Variants in MEF2D observed in about 807,000 individuals in gnomAD.
MEF2D encodes myocyte-specific enhancer factor 2D.
MEF2D carries 10 observed loss-of-function variants against 59.3 expected under a neutral mutation model. The observed-to-expected ratio is 0.17, with a 90% CI of 0.10 to 0.29. The LOEUF (loss-of-function observed/expected upper bound fraction) is 0.29, where lower values mean the gene tolerates loss of function less well. Ranked by LOEUF, MEF2D falls within the 10% of genes least tolerant of loss-of-function variation. The probability of loss-of-function intolerance (pLI) is 1.00; values close to 1 mark genes in which losing one functional copy is unlikely to be tolerated. For synonymous variants in MEF2D, 305 were observed against 295.0 expected (o/e 1.03, Z -0.35); for missense variants, 508 against 699.4 (o/e 0.73, Z 3.09).
intron 1 of MEF2D, among the ~76,000 whole-genome samples, chr1:156,491,803 T>C (rs912977385): frequency 6.6e-6 from 1 of 152,202 alleles, no homozygotes; most frequent in African/African-American, 2.4e-5. Flanking sequence ...AGGATTTGCA[T>C]AGCGTCTCTG....
chr1:156,489,664 G>A (rs1051505559), intron 1 of MEF2D, among the ~76,000 whole-genome samples: 1 of 152,154 alleles, frequency 6.6e-6, no homozygotes. Context: ...TGCCCTCTGA[G>A]AACTTGCAGT....
Position 156,477,162 on chromosome 1 carries a change from G to T in MEF2D, c.705C>A (p.Leu235=). ...TTAGGCTGTTGCCATTGGCCACAGG[G>T]AGGAGGCCAGGGGAAGCCCGAGCAC... ...YVSARASPGL[L]PVANGNSLNK... The change falls in exon 7 of 12, where the codon CTC becomes CTA. Residue 235 remains leucine, a synonymous_variant. Coordinates refer to ENST00000348159, the MANE Select transcript of MEF2D (RefSeq NM_005920.4). 6.2e-7 allele frequency: 1 copy of T among 1,613,298 alleles called. No individual in the cohort carries two copies. The highest frequency in any genetic ancestry group is 8.5e-7 in the Non-Finnish European group (1 of 1,179,472).
intron 3 of MEF2D, among the ~76,000 whole-genome samples, chr1:156,481,287 T>C (rs1671999573): frequency 6.6e-6 from 1 of 152,106 alleles, no homozygotes; most frequent in South Asian, 2.1e-4. Flanking sequence ...GGATGGGGCC[T>C]CCAGGGGATG....
intron 9 of MEF2D, among the ~76,000 whole-genome samples, chr1:156,469,297 G>A (rs1671074329): frequency 6.6e-6 from 1 of 152,048 alleles, no homozygotes; most frequent in African/African-American, 2.4e-5. Context: ...TCACTCTATT[G>A]CCCAGGCTGG....
intron 1 of MEF2D, among the ~76,000 whole-genome samples, chr1:156,489,534 G>T (rs1672613618): frequency 2.6e-5 from 4 of 152,118 alleles, no homozygotes; most frequent in Admixed American, 2.6e-4. Flanking sequence ...AGAGGCAGGA[G>T]ACCACAGAGA....
At chr1:156,482,113 A>G (rs905005525) in intron 3 of MEF2D, among the ~76,000 whole-genome samples, 7 of 152,242 alleles carry the variant, frequency 4.6e-5, no homozygotes, top group African/African-American at 1.4e-4. Context: ...AAAGAGAGAC[A>G]AAGAGAAAGA....
At chr1:156,483,913 T>C (rs538941129) in intron 1 of MEF2D, among the ~76,000 whole-genome samples, 3 of 152,190 alleles carry the variant, frequency 2.0e-5, no homozygotes, top group Admixed American at 1.3e-4. Flanking sequence ...CTGGTGCCCC[T>C]GGCTCAAGAA....
At chr1:156,486,962 C>G (rs1458057793) in intron 1 of MEF2D, among the ~76,000 whole-genome samples, 1 of 152,218 alleles carries the variant, frequency 6.6e-6, no homozygotes, top group Non-Finnish European at 1.5e-5. Context: ...CTTGCTCTCC[C>G]AACTGCCCCT....
Position 156,467,364 on chromosome 1 carries a change from C to T in MEF2D, c.*281G>A, listed in dbSNP as rs1392869788. ...TGTGTACAACGTGCAAAGTGTCCCCCCTTCCCGCGAAAAAGAGAGCCCCCC... is the reference window on the plus strand; with the variant it reads ...TGTGTACAACGTGCAAAGTGTCCCCTCTTCCCGCGAAAAAGAGAGCCCCCC... On this transcript the variant is annotated 3_prime_UTR_variant, in exon 12 of 12. Coordinates refer to ENST00000348159, the MANE Select transcript of MEF2D (RefSeq NM_005920.4). 3 of 166,566 alleles carry T rather than the reference C, an allele frequency of 1.8e-5. No individual in the cohort carries two copies. The highest frequency in any genetic ancestry group is 3.8e-5 in the Non-Finnish European group (3 of 78,454). 10.3% of individuals were successfully genotyped at this position (166,566 alleles called of 1,614,324 possible). A position where few individuals can be genotyped will look rare whatever the true frequency, so the allele number is the denominator to read the frequency against.
chr1:156,479,802 C>T lies in MEF2D; in HGVS notation c.397-6G>A, dbSNP rs184567170. On this transcript the variant is annotated splice_polypyrimidine_tract_variant and splice_region_variant and intron_variant, in intron 4 of 11. Transcript: ENST00000348159. ...TTGGGGGCCGGGACAGTTGACTAGA[C>T]AGAAAGATGGAGGGGCAGGATCAGG... The T allele has an allele frequency of 1.4e-3, 2,188 of 1,551,352 alleles. 2 individuals carry two copies. Among genetic ancestry groups the T allele is most frequent in the Non-Finnish European group, 1.7e-3 (1,992 of 1,146,864 alleles).
intron 1 of MEF2D, among the ~76,000 whole-genome samples, chr1:156,497,053 C>A (rs1490560925): frequency 6.6e-6 from 1 of 152,200 alleles, no homozygotes; most frequent in Non-Finnish European, 1.5e-5. Context: ...AAATTAGAGC[C>A]ATCTCTCTCC....
intron 9 of MEF2D, among the ~76,000 whole-genome samples, chr1:156,474,025 G>A (rs550594764): frequency 3.9e-5 from 6 of 152,040 alleles, no homozygotes; most frequent in African/African-American, 7.2e-5. Flanking sequence ...AACTGACCAC[G>A]TCCCCCTCAC....
intron 9 of MEF2D, among the ~76,000 whole-genome samples, chr1:156,472,702 C>A (rs1671309993): frequency 6.6e-6 from 1 of 151,502 alleles, no homozygotes; most frequent in African/African-American, 2.4e-5. Flanking sequence ...GCGTGTGCCA[C>A]CACGCCCGGC....
chr1:156,477,344 T>A (rs1671683068), intron 6 of MEF2D, 142 bp from the exon 7 acceptor site: 1 of 676,440 alleles, frequency 1.5e-6, no homozygotes, highest in Non-Finnish European at 2.5e-6. Context: ...AGCTATCTGA[T>A]ATTCCCTGAA....
At chr1:156,489,512 T>G (rs1338694236) in intron 1 of MEF2D, among the ~76,000 whole-genome samples, 1 of 150,910 alleles carries the variant, frequency 6.6e-6, no homozygotes, top group East Asian at 2.0e-4. Flanking sequence ...AGGAGAGGGC[T>G]AGAGGAGAGG....
At chr1:156,492,348 T>C (rs1268381812) in intron 1 of MEF2D, among the ~76,000 whole-genome samples, 1 of 152,186 alleles carries the variant, frequency 6.6e-6, no homozygotes, top group African/African-American at 2.4e-5. Flanking sequence ...CTCAAAGTAG[T>C]CTCTGGGGCT....
chr1:156,474,760 G>T (rs1217836284), intron 9 of MEF2D, among the ~76,000 whole-genome samples: 1 of 152,072 alleles, frequency 6.6e-6, no homozygotes, highest in East Asian at 1.9e-4. Flanking sequence ...TAGTGAGCTA[G>T]GATGGCACCA....
intron 11 of MEF2D, 61 bp from the exon 12 acceptor site, chr1:156,467,717 C>A (rs1383072626): frequency 2.3e-5 from 31 of 1,331,520 alleles, no homozygotes; most frequent in African/African-American, 1.5e-5. Context: ...TGGGTATGCA[C>A]CCCCCACTCC....
rs565636183 is a variant in MEF2D at position 156,490,911 on chromosome 1, G to T, written c.-138-7481C>A. The stretch of plus-strand genomic sequence containing the variant: ...TAGTCTAGCTCTCATCCTTCCTGTA[G>T]CAGCTGTGAGGCCATTTGGCTCTCT... On this transcript the variant is annotated intron_variant, in intron 1 of 11. Transcript: ENST00000348159. 9.9e-5 allele frequency among the ~76,000 whole-genome samples: 15 copies of T among 152,274 alleles called. No homozygotes were observed. The South Asian group carries it at 3.1e-3, about 32-fold the overall frequency.
Sources: allele counts gnomAD v4.1 joint callset (sites outside exome capture counted in the v4.1 genomes callset), GRCh38; gene constraint gnomAD v4.1.1; transcripts MANE v1.5; gene names NCBI Gene and HGNC (gene_info 2026-07-23, HGNC 2026-07-21).